The following QTMAN variants were observed in gnomAD, a reference collection of about 807,000 sequenced individuals.
The protein encoded by QTMAN is queuosine-tRNA mannosyltransferase.
the QTMAN span, among the ~76,000 whole-genome samples, chr2:144,119,993 GTTA>G: frequency 6.6e-6 from 1 of 152,188 alleles, no homozygotes; most frequent in Non-Finnish European, 1.5e-5. Flanking sequence ...CAAAGTTACT[GTTA>G]TTATATATCA....
the QTMAN span, among the ~76,000 whole-genome samples, chr2:144,257,145 C>G: frequency 6.8e-6 from 1 of 146,616 alleles, no homozygotes; most frequent in African/African-American, 2.5e-5. Context: ...AACAAAGACA[C>G]AGCCATAACC....
the QTMAN span, among the ~76,000 whole-genome samples, chr2:144,080,739 GCTGTGATT>G: frequency 6.6e-6 from 1 of 152,134 alleles, no homozygotes; most frequent in Non-Finnish European, 1.5e-5. Flanking sequence ...GTAAAGTGAT[GCTGTGATT>G]CTGTTAAAGG....
the QTMAN span, among the ~76,000 whole-genome samples, chr2:144,082,822 T>G: frequency 1.3e-5 from 2 of 152,124 alleles, no homozygotes; most frequent in Non-Finnish European, 2.9e-5. Flanking sequence ...AAAACATTTT[T>G]ATCTGAATTT....
chr2:144,213,712 T>C, the QTMAN span, among the ~76,000 whole-genome samples: 1 of 152,234 alleles, frequency 6.6e-6, no homozygotes, highest in Admixed American at 6.5e-5. Flanking sequence ...CAATCAATTG[T>C]TGAAAATATA....
At chr2:143,991,878 G>A in the QTMAN span, among the ~76,000 whole-genome samples, 1 of 149,058 alleles carries the variant, frequency 6.7e-6, no homozygotes, top group East Asian at 2.1e-4. Context: ...GAGACCCTCT[G>A]CCTGGCCAGC....
At chr2:144,095,433 T>C in the QTMAN span, among the ~76,000 whole-genome samples, 1 of 152,302 alleles carries the variant, frequency 6.6e-6, no homozygotes, top group African/African-American at 2.4e-5. Context: ...AATGAGCTAC[T>C]TTAGGAGGTT....
chr2:144,139,056 G>A, the QTMAN span, among the ~76,000 whole-genome samples: 6 of 151,976 alleles, frequency 3.9e-5, no homozygotes, highest in Admixed American at 6.6e-5. Context: ...ACATAATGAC[G>A]GAATAAGAAA....
the QTMAN span, among the ~76,000 whole-genome samples, chr2:144,057,501 T>A: frequency 6.6e-6 from 1 of 152,160 alleles, no homozygotes; most frequent in Non-Finnish European, 1.5e-5. Flanking sequence ...ATCATGATGA[T>A]CCTGACCACT....
chr2:144,236,985 C>T, the QTMAN span, among the ~76,000 whole-genome samples: 1 of 152,088 alleles, frequency 6.6e-6, no homozygotes, highest in African/African-American at 2.4e-5. Flanking sequence ...AAATAATAAT[C>T]ATGTCGTATA....
chr2:144,119,733 A>G, the QTMAN span, among the ~76,000 whole-genome samples: 1 of 152,224 alleles, frequency 6.6e-6, no homozygotes, highest in African/African-American at 2.4e-5. Context: ...AACAAAGAAA[A>G]TCACAAATAT....
At chr2:144,255,045 C>T in the QTMAN span, among the ~76,000 whole-genome samples, 436 of 152,244 alleles carry the variant, frequency 2.9e-3, 3 homozygotes, top group African/African-American at 0.01. Context: ...CATAGGCAGA[C>T]AGGACTTGCT....
chr2:144,035,102 G>A, the QTMAN span, among the ~76,000 whole-genome samples: 1 of 152,190 alleles, frequency 6.6e-6, no homozygotes, highest in East Asian at 1.9e-4. Flanking sequence ...GGGCAAATCT[G>A]TCATGGCCTG....
the QTMAN span, among the ~76,000 whole-genome samples, chr2:144,107,654 C>T: frequency 2.6e-5 from 4 of 152,194 alleles, no homozygotes; most frequent in South Asian, 2.1e-4. Flanking sequence ...GATGGATTCA[C>T]AGCCGAATTC....
the QTMAN span, among the ~76,000 whole-genome samples, chr2:143,965,592 T>G: frequency 6.6e-6 from 1 of 152,208 alleles, no homozygotes; most frequent in Non-Finnish European, 1.5e-5. Flanking sequence ...TAGGCACTAT[T>G]GACATTTTAG....
chr2:144,007,637 G>A, the QTMAN span: 8 of 669,666 alleles, frequency 1.2e-5, no homozygotes, highest in East Asian at 6.3e-5. Context: ...ATAAAACTGA[G>A]AAAAAATAAA....
At chr2:144,130,167 T>C in the QTMAN span, among the ~76,000 whole-genome samples, 1 of 151,170 alleles carries the variant, frequency 6.6e-6, no homozygotes, top group Non-Finnish European at 1.5e-5. Context: ...GGGGAAAGCC[T>C]ATCTTTTCTA....
chr2:144,251,010 T>C, the QTMAN span, among the ~76,000 whole-genome samples: 1 of 152,040 alleles, frequency 6.6e-6, no homozygotes, highest in Non-Finnish European at 1.5e-5. Context: ...TTTTATAAGT[T>C]AAAACATTAT....
At chr2:144,126,810 T>A in the QTMAN span, among the ~76,000 whole-genome samples, 1 of 151,960 alleles carries the variant, frequency 6.6e-6, no homozygotes, top group Admixed American at 6.6e-5. Context: ...TGATACTTCA[T>A]CAACTGGGAG....
At chr2:144,001,359 G>C in the QTMAN span, among the ~76,000 whole-genome samples, 3 of 151,852 alleles carry the variant, frequency 2.0e-5, no homozygotes, top group African/African-American at 4.8e-5. Context: ...ACTCACCTAA[G>C]TATGTTTCAA....
Sources: gnomAD v4.1 joint callset for allele counts (sites outside exome capture counted in the v4.1 genomes callset) on GRCh38, gnomAD v4.1.1 for gene constraint, MANE v1.5 for transcripts, NCBI Gene and HGNC (gene_info 2026-07-23, HGNC 2026-07-21) for gene names.